The following VPS45 variants were observed in gnomAD, a reference collection of about 807,000 sequenced individuals.
The protein encoded by VPS45 is vacuolar protein sorting 45 homolog.
A neutral mutation model predicts 75.9 loss-of-function variants in VPS45; 35 were observed. The ratio of observed to expected loss-of-function variants is 0.46; its 90% CI spans 0.35 to 0.61. The LOEUF (loss-of-function observed/expected upper bound fraction) is 0.61, where lower values mean the gene tolerates loss of function less well. Among genes scored for constraint, VPS45 ranks in the 20% least tolerant of loss-of-function variants. The probability of loss-of-function intolerance (pLI) is 0.00; values close to 1 mark genes in which losing one functional copy is unlikely to be tolerated. For synonymous variants in VPS45, 220 were observed against 238.2 expected (o/e 0.92, Z 0.70); for missense variants, 559 against 685.9 (o/e 0.81, Z 2.07).
At chr1:150,125,459 TA>T (rs1658458732) in intron 14 of VPS45, among the ~76,000 whole-genome samples, 1 of 151,526 alleles carries the variant, frequency 6.6e-6, no homozygotes, top group African/African-American at 2.4e-5. Context: ...CTGCACCCAT[TA>T]ACTCATCATT....
intron 10 of VPS45, among the ~76,000 whole-genome samples, chr1:150,088,054 C>CT (rs1656106793): frequency 6.6e-6 from 1 of 152,180 alleles, no homozygotes; most frequent in African/African-American, 2.4e-5. Flanking sequence ...CCTTAAACAT[C>CT]TGTCATTTCT....
chr1:150,092,837 C>CTTTTTT (rs11451750), intron 12 of VPS45, among the ~76,000 whole-genome samples: 8,571 of 93,746 alleles, frequency 0.091, 141 homozygotes, highest in East Asian at 0.12. Flanking sequence ...GCTAGCCTTT[C>CTTTTTT]TTTTTTTTTT....
At chr1:150,117,348 C>T (rs1266198761) in intron 14 of VPS45, among the ~76,000 whole-genome samples, 1 of 147,432 alleles carries the variant, frequency 6.8e-6, no homozygotes, top group Non-Finnish European at 1.5e-5. Flanking sequence ...ATGGGGAAAC[C>T]CCATCTCTAC....
At chr1:150,121,023 G>A (rs1211212438) in intron 14 of VPS45, among the ~76,000 whole-genome samples, 4 of 151,628 alleles carry the variant, frequency 2.6e-5, no homozygotes, top group Admixed American at 1.3e-4. Context: ...GCCCGCCACC[G>A]CGCCCGGCTA....
At chr1:150,144,239 G>A (rs187125110) in intron 14 of VPS45, among the ~76,000 whole-genome samples, 45 of 152,020 alleles carry the variant, frequency 3.0e-4, no homozygotes, top group Admixed American at 5.9e-4. Context: ...CTGAGCCACC[G>A]CGCCTGCCTG....
At chr1:150,076,828 C>G in intron 4 of VPS45, 88 bp from the exon 5 acceptor site, 1 of 1,467,014 alleles carries the variant, frequency 6.8e-7, no homozygotes, top group South Asian at 1.2e-5. Context: ...CAAAGTTTGG[C>G]TATATCATAT....
rs1655734997 is a variant in VPS45 at position 150,081,901 on chromosome 1, T to C, written c.840T>C (p.Phe280=). 1 of 1,612,158 alleles carries C rather than the reference T, an allele frequency of 6.2e-7. No individual in the cohort carries two copies. Among genetic ancestry groups the C allele is most frequent in the Non-Finnish European group, 8.5e-7 (1 of 1,178,906 alleles). The change falls in exon 9 of 15, where the codon TTT becomes TTC. Residue 280 remains phenylalanine (F), a synonymous_variant. Transcript: ENST00000644510. ...TTTCACAGAATATGTACCTGAACTT[T>C]GCTGAGATTGGTAGCAATATAAAGA... ...EFYANNMYLN[F]AEIGSNIKNL... is the part of the protein sequence containing the mutation.
intron 13 of VPS45, among the ~76,000 whole-genome samples, chr1:150,095,474 G>C (rs116202343): frequency 1.3e-5 from 2 of 152,090 alleles, no homozygotes; most frequent in Admixed American, 6.6e-5. Flanking sequence ...TTAGCCTGGC[G>C]TGGGTAGCAG....
intron 13 of VPS45, among the ~76,000 whole-genome samples, chr1:150,100,584 A>G (rs1656925830): frequency 6.6e-6 from 1 of 152,226 alleles, no homozygotes; most frequent in African/African-American, 2.4e-5. Flanking sequence ...TTCAAACTAT[A>G]CTACAAGGCT....
chr1:150,067,893 C>T lies in VPS45; in HGVS notation c.36C>T (p.Ser12=), dbSNP rs782465750. ...NVVFAVKQYI[S]KMIEDSGPGM... is the part of the protein sequence containing the mutation. ...TTTTTGCTGTGAAGCAGTACATTTC[C>T]AAAATGATAGAGGACAGCGGGCCTG... Residue 12 remains serine, a synonymous_variant, in exon 1 of 15, where the codon TCC becomes TCT. Coordinates refer to ENST00000644510, the MANE Select transcript of VPS45 (RefSeq NM_007259.5). 1 of 1,614,178 alleles carries T rather than the reference C, an allele frequency of 6.2e-7. No homozygotes were observed. Among genetic ancestry groups the T allele is most frequent in the South Asian group, 1.1e-5 (1 of 91,092 alleles).
chr1:150,114,019 A>G (rs587740022), intron 14 of VPS45, among the ~76,000 whole-genome samples: 34 of 152,306 alleles, frequency 2.2e-4, no homozygotes, highest in Non-Finnish European at 1.5e-5. Context: ...CAATTTGTAC[A>G]CTATCATTGT....
At chr1:150,100,193 A>G (rs1014378401) in intron 13 of VPS45, among the ~76,000 whole-genome samples, 25 of 152,284 alleles carry the variant, frequency 1.6e-4, no homozygotes, top group Middle Eastern at 3.4e-3. Flanking sequence ...AGCAACAACA[A>G]CCAAGCTGAA....
chr1:150,124,328 G>A (rs587683333), intron 14 of VPS45, among the ~76,000 whole-genome samples: 53 of 152,022 alleles, frequency 3.5e-4, no homozygotes, highest in South Asian at 1.2e-3. Flanking sequence ...ACGTGGTGGC[G>A]TGCACATGTA....
intron 10 of VPS45, among the ~76,000 whole-genome samples, chr1:150,089,219 T>C (rs1371047331): frequency 6.6e-6 from 1 of 152,054 alleles, no homozygotes; most frequent in Non-Finnish European, 1.5e-5. Flanking sequence ...TCAGATTTGC[T>C]TAAAAGTACA....
upstream of VPS45, chr1:150,067,747 A>G (rs1654800560): frequency 9.2e-7 from 1 of 1,081,886 alleles, no homozygotes; most frequent in Non-Finnish European, 1.4e-6. Context: ...GACTCCCGGA[A>G]GCCGAATCCC....
chr1:150,093,738 T>C (rs1414880169), intron 13 of VPS45, 90 bp downstream of exon 13: 1 of 1,460,388 alleles, frequency 6.8e-7, no homozygotes, highest in African/African-American at 1.4e-5. Flanking sequence ...GCTGAGGTTA[T>C]AGCATTCTGC....
intron 14 of VPS45, among the ~76,000 whole-genome samples, chr1:150,134,114 C>T (rs781961796): frequency 2.0e-5 from 3 of 151,958 alleles, no homozygotes; most frequent in African/African-American, 7.3e-5. Flanking sequence ...GTAAAATAAC[C>T]CCAGTGGAAT....
At chr1:150,097,006 T>TA (rs1351709422) in intron 13 of VPS45, among the ~76,000 whole-genome samples, 2 of 150,744 alleles carry the variant, frequency 1.3e-5, no homozygotes, top group South Asian at 2.1e-4. Flanking sequence ...CTTTTTTTTT[T>TA]AAATGACATA....
At chr1:150,092,459 T>G in intron 12 of VPS45, 50 bp downstream of exon 12, 1 of 1,473,024 alleles carries the variant, frequency 6.8e-7, no homozygotes, top group South Asian at 1.2e-5. Flanking sequence ...TTGAAGTCCT[T>G]GAGGCTGAGA....
Sources: allele counts gnomAD v4.1 joint callset (sites outside exome capture counted in the v4.1 genomes callset), GRCh38; gene constraint gnomAD v4.1.1; transcripts MANE v1.5; gene names NCBI Gene and HGNC (gene_info 2026-07-23, HGNC 2026-07-21).